The following ATP8A2 variants were observed in gnomAD, a reference collection of about 807,000 sequenced individuals.
ATP8A2 encodes the protein phospholipid-transporting ATPase IB.
In ATP8A2, 100 loss-of-function variants were observed where a neutral mutation model predicts 165.6. The ratio of observed to expected loss-of-function variants is 0.60; its 90% CI spans 0.51 to 0.71. The LOEUF is 0.71. ATP8A2 is among the 30% of genes least tolerant of loss of function. ATP8A2 has a pLI of 0.00. For missense variants in ATP8A2, 1,227 were observed against 1,479.5 expected (o/e 0.83, Z 2.80); for synonymous variants, 543 against 548.8 (o/e 0.99, Z 0.15).
At chr13:25,726,905 G>A (rs2043506576) in intron 25 of ATP8A2, among the ~76,000 whole-genome samples, 1 of 152,140 alleles carries the variant, frequency 6.6e-6, no homozygotes, top group Admixed American at 6.5e-5. Flanking sequence ...ATGCTGGGAG[G>A]AAGGCTCCAT....
rs114051756 is a variant in ATP8A2 at position 25,750,983 on chromosome 13, T to C, written c.2385-18063T>C. On this transcript the variant is annotated intron_variant, in intron 25 of 36. Transcript: ENST00000381655. The surrounding 1 kb of genome is among the most constrained non-coding windows in gnomAD (Gnocchi z 4.3). ...AGAGCACTCACAGAGAGCTTGGGAG[T>C]CTCAATGACAAAGGCGCCCGTGGGC... is the stretch of plus-strand genomic sequence containing the variant. Among the ~76,000 whole-genome samples, 1,588 of 151,780 alleles carry C rather than the reference T, an allele frequency of 0.01. 35 individuals carry two copies. The highest frequency in any genetic ancestry group is 0.037 in the African/African-American group (1,516 of 41,162).
intron 27 of ATP8A2, among the ~76,000 whole-genome samples, chr13:25,786,916 C>G (rs534355187): frequency 6.6e-6 from 1 of 152,106 alleles, no homozygotes; most frequent in Admixed American, 6.5e-5. Flanking sequence ...CCACCATACC[C>G]GGCTAATTTT....
intron 25 of ATP8A2, among the ~76,000 whole-genome samples, chr13:25,733,620 T>C (rs1179832433): frequency 6.6e-6 from 1 of 152,210 alleles, no homozygotes; most frequent in Non-Finnish European, 1.5e-5. Flanking sequence ...TCTTCATGCT[T>C]TGTCGGCCCT....
chr13:25,817,369 G>A (rs1001020968), intron 27 of ATP8A2, among the ~76,000 whole-genome samples: 3 of 148,402 alleles, frequency 2.0e-5, no homozygotes, highest in East Asian at 2.0e-4. Flanking sequence ...GGGGAAACAC[G>A]ATTTTGTGTT....
At chr13:25,596,727 T>C (rs970665590) in intron 24 of ATP8A2, among the ~76,000 whole-genome samples, 3 of 152,194 alleles carry the variant, frequency 2.0e-5, no homozygotes, top group Non-Finnish European at 4.4e-5. Context: ...GCTGTAAGGG[T>C]TTTGTTCTGT....
chr13:25,407,954 A>G (rs1434231831), intron 1 of ATP8A2, among the ~76,000 whole-genome samples: 3 of 152,192 alleles, frequency 2.0e-5, no homozygotes, highest in Non-Finnish European at 4.4e-5. Flanking sequence ...GGACAAATAC[A>G]TAATGCATGC....
intron 2 of ATP8A2, among the ~76,000 whole-genome samples, chr13:25,504,746 CAAAAA>C (rs34066777): frequency 1.2e-5 from 1 of 84,806 alleles, no homozygotes; most frequent in Non-Finnish European, 2.1e-5. Context: ...GACTCCGTCT[CAAAAA>C]AAAAAAAAAA....
chr13:25,385,834 G>A (rs529339474), intron 1 of ATP8A2, among the ~76,000 whole-genome samples: 10 of 152,072 alleles, frequency 6.6e-5, no homozygotes, highest in African/African-American at 2.4e-4. Flanking sequence ...TGGGACTACA[G>A]GTACACACCA....
intron 1 of ATP8A2, among the ~76,000 whole-genome samples, chr13:25,442,020 A>G (rs577701572): frequency 6.6e-6 from 1 of 152,350 alleles, no homozygotes; most frequent in Admixed American, 6.5e-5. Context: ...TATTTCACTT[A>G]GCATGATGTC....
At chr13:25,738,622 C>T (rs984922600) in intron 25 of ATP8A2, among the ~76,000 whole-genome samples, 1 of 152,238 alleles carries the variant, frequency 6.6e-6, no homozygotes, top group African/African-American at 2.4e-5. Flanking sequence ...ACCCTAAACA[C>T]TTCTGTTTTC....
intron 27 of ATP8A2, among the ~76,000 whole-genome samples, chr13:25,786,035 TTA>T (rs1173920751): frequency 1.3e-5 from 2 of 152,216 alleles, no homozygotes; most frequent in African/African-American, 4.8e-5. Context: ...TAAAACACCC[TTA>T]TGTATGCAAG....
intron 2 of ATP8A2, among the ~76,000 whole-genome samples, chr13:25,477,245 G>A (rs1023823818): frequency 6.6e-6 from 1 of 152,176 alleles, no homozygotes; most frequent in African/African-American, 2.4e-5. Context: ...CATTTGGTTT[G>A]AGAATTTTGG....
At chr13:25,754,063 C>A (rs755994581) in intron 25 of ATP8A2, among the ~76,000 whole-genome samples, 2 of 152,236 alleles carry the variant, frequency 1.3e-5, no homozygotes, top group Non-Finnish European at 2.9e-5. Context: ...GATAGCCCTG[C>A]CTTATCACTG....
intron 33 of ATP8A2, among the ~76,000 whole-genome samples, chr13:25,865,216 G>A (rs752988252): frequency 5.3e-5 from 8 of 152,138 alleles, no homozygotes; most frequent in Admixed American, 4.6e-4. Context: ...ATTCCTGGGG[G>A]TCTAGGTTGG....
chr13:25,983,938 A>G lies in ATP8A2; in HGVS notation c.3377+15259A>G, dbSNP rs145202324. 4.4e-3 allele frequency among the ~76,000 whole-genome samples: 665 copies of G among 152,226 alleles called. 6 individuals carry two copies. The highest frequency in any genetic ancestry group is 0.015 in the African/African-American group (623 of 41,530). Reference sequence around the variant, plus strand: ...GACGAGAATGACACAGCTGATATAAAAAGTTATCTGGAGCCTGGGTGCAGT... The same window carrying G: ...GACGAGAATGACACAGCTGATATAAGAAGTTATCTGGAGCCTGGGTGCAGT... On this transcript the variant is annotated intron_variant, in intron 35 of 36. Coordinates refer to ENST00000381655, the MANE Select transcript of ATP8A2 (RefSeq NM_016529.6).
At chr13:25,664,045 C>G (rs1300141628) in intron 24 of ATP8A2, among the ~76,000 whole-genome samples, 1 of 151,704 alleles carries the variant, frequency 6.6e-6, no homozygotes, top group Non-Finnish European at 1.5e-5. Context: ...CCCGTCTCTA[C>G]AAAAAATACA....
chr13:25,838,274 C>T (rs1951671302), intron 29 of ATP8A2, among the ~76,000 whole-genome samples: 1 of 152,132 alleles, frequency 6.6e-6, no homozygotes, highest in South Asian at 2.1e-4. Flanking sequence ...TCCTGACGTC[C>T]CTTACAGCTG....
At chr13:25,605,576 G>A (rs2040493867) in intron 24 of ATP8A2, among the ~76,000 whole-genome samples, 1 of 152,078 alleles carries the variant, frequency 6.6e-6, no homozygotes, top group Admixed American at 6.5e-5. Context: ...TTGTGTGTAT[G>A]TAGTGTATAT....
intron 27 of ATP8A2, among the ~76,000 whole-genome samples, chr13:25,816,581 G>C (rs75329781): frequency 3.3e-5 from 5 of 152,128 alleles, no homozygotes; most frequent in Non-Finnish European, 7.3e-5. Context: ...CTTCAGATAC[G>C]TCCCATGCCT....
Sources: gnomAD v4.1 joint callset for allele counts (sites outside exome capture counted in the v4.1 genomes callset) on GRCh38, gnomAD v4.1.1 for gene constraint, Gnocchi (gnomAD v3.1) non-coding constraint, MANE v1.5 for transcripts, NCBI Gene and HGNC (gene_info 2026-07-23, HGNC 2026-07-21) for gene names.